The following MACROD2 variants were observed in gnomAD, a reference collection of about 807,000 sequenced individuals.
MACROD2 encodes the protein ADP-ribose glycohydrolase MACROD2.
MACROD2 carries 36 observed loss-of-function variants against 70.4 expected under a neutral mutation model. The ratio of observed to expected loss-of-function variants is 0.51; its 90% CI spans 0.39 to 0.68. The LOEUF is 0.68. Among genes scored for constraint, MACROD2 ranks in the 30% least tolerant of loss-of-function variants. The pLI is 0.00. For missense variants in MACROD2, 496 were observed against 538.4 expected (o/e 0.92, Z 0.78); for synonymous variants, 172 against 178.8 (o/e 0.96, Z 0.30).
intron 2 of MACROD2, among the ~76,000 whole-genome samples, chr20:14,065,814 G>C (rs1002754191): frequency 6.6e-6 from 1 of 152,140 alleles, no homozygotes; most frequent in Non-Finnish European, 1.5e-5. Context: ...TCTTGAAAGA[G>C]GGGTTAATAT....
intron 5 of MACROD2, among the ~76,000 whole-genome samples, chr20:14,728,729 A>G (rs6079543): frequency 0.41 from 61,810 of 152,020 alleles, 13,967 homozygotes; most frequent in Non-Finnish European, 0.51. Flanking sequence ...TAATACCACA[A>G]GGAAGAATAG....
At chr20:15,335,489 T>A (rs1017334378) in intron 6 of MACROD2, among the ~76,000 whole-genome samples, 7 of 147,428 alleles carry the variant, frequency 4.7e-5, no homozygotes, top group African/African-American at 1.8e-4. Flanking sequence ...TTTTTTGCTG[T>A]TCCTTTGAGC....
intron 2 of MACROD2, among the ~76,000 whole-genome samples, chr20:14,031,754 C>T (rs1248527183): frequency 6.6e-6 from 1 of 151,298 alleles, no homozygotes; most frequent in African/African-American, 2.4e-5. Flanking sequence ...CCCTAAACAC[C>T]CAATTCCTAA....
At chr20:15,690,074 G>A (rs1017166348) in intron 8 of MACROD2, among the ~76,000 whole-genome samples, 5 of 152,190 alleles carry the variant, frequency 3.3e-5, no homozygotes, top group African/African-American at 1.2e-4. Context: ...GTAGAGGAGC[G>A]CATGACCAGA....
At chr20:14,181,992 T>C (rs1298848000) in intron 3 of MACROD2, among the ~76,000 whole-genome samples, 1 of 152,348 alleles carries the variant, frequency 6.6e-6, no homozygotes, top group Admixed American at 6.5e-5. Flanking sequence ...TCAGTTCTCT[T>C]GGTTAGATAC....
intron 5 of MACROD2, among the ~76,000 whole-genome samples, chr20:14,808,539 T>C (rs892579096): frequency 1.3e-5 from 2 of 151,990 alleles, no homozygotes; most frequent in East Asian, 1.9e-4. Context: ...ATGGGCAAAA[T>C]AACCAGCTAG....
chr20:15,529,837 A>C (rs968888699), intron 8 of MACROD2, among the ~76,000 whole-genome samples: 3 of 152,180 alleles, frequency 2.0e-5, no homozygotes, highest in African/African-American at 7.2e-5. Flanking sequence ...AAAGAAAGGG[A>C]ATATACAATG....
At chr20:14,822,385 T>C (rs2072856083) in intron 5 of MACROD2, among the ~76,000 whole-genome samples, 1 of 152,138 alleles carries the variant, frequency 6.6e-6, no homozygotes, top group Non-Finnish European at 1.5e-5. Flanking sequence ...ATTTGTATAA[T>C]ATTCTACTTA....
chr20:15,833,397 C>T lies in MACROD2; in HGVS notation c.646-29348C>T, dbSNP rs189575774. On this transcript the variant is annotated intron_variant, in intron 8 of 17. Transcript: ENST00000684519. The stretch of plus-strand genomic sequence containing the variant: ...GCTTTAAACCGCTGCCCTTGTTTAA[C>T]ACATGACAGTTTTTATGTGTGGAAA... Among the ~76,000 whole-genome samples the T allele has an allele frequency of 9.8e-5, 15 of 152,306 alleles. No homozygotes were observed. The East Asian group carries it at 2.7e-3, about 27-fold the overall frequency.
At chr20:14,562,188 A>C (rs538044539) in intron 4 of MACROD2, among the ~76,000 whole-genome samples, 3 of 152,008 alleles carry the variant, frequency 2.0e-5, no homozygotes, top group Middle Eastern at 3.4e-3. Context: ...AATGGCCATA[A>C]TTTTGAAACA....
chr20:14,002,211 T>A, intron 1 of MACROD2, 77 bp from the exon 2 acceptor site: 1 of 898,756 alleles, frequency 1.1e-6, no homozygotes, highest in Admixed American at 2.7e-5. Flanking sequence ...CTTAACTTGG[T>A]TAATACTTAA....
chr20:15,036,204 G>A (rs980611905), intron 5 of MACROD2, among the ~76,000 whole-genome samples: 4 of 151,620 alleles, frequency 2.6e-5, no homozygotes, highest in Non-Finnish European at 4.4e-5. Context: ...CTCTTTTTTC[G>A]TGTTTAAATG....
intron 6 of MACROD2, among the ~76,000 whole-genome samples, chr20:15,343,164 A>T (rs2078128417): frequency 6.6e-6 from 1 of 152,156 alleles, no homozygotes; most frequent in Admixed American, 6.6e-5. Flanking sequence ...CGCTCACATC[A>T]GGGTGAATTA....
intron 5 of MACROD2, among the ~76,000 whole-genome samples, chr20:14,789,255 G>T (rs1033548867): frequency 3.3e-5 from 5 of 151,824 alleles, no homozygotes; most frequent in Non-Finnish European, 7.4e-5. Flanking sequence ...TTTGCCATAT[G>T]TGTATGATAT....
intron 8 of MACROD2, among the ~76,000 whole-genome samples, chr20:15,521,288 A>G (rs1325087410): frequency 6.6e-6 from 1 of 152,158 alleles, no homozygotes. Context: ...GATTTCCATT[A>G]ATAATAAAGA....
intron 3 of MACROD2, among the ~76,000 whole-genome samples, chr20:14,263,816 A>G (rs1009304682): frequency 1.3e-5 from 2 of 150,834 alleles, no homozygotes; most frequent in African/African-American, 2.5e-5. Context: ...ACACACAACA[A>G]AAAGTTAGCT....
intron 5 of MACROD2, among the ~76,000 whole-genome samples, chr20:14,857,550 G>C (rs1470787462): frequency 6.6e-6 from 1 of 152,150 alleles, no homozygotes; most frequent in Non-Finnish European, 1.5e-5. Flanking sequence ...AGGGAGCCCT[G>C]CCTTAGCACA....
chr20:15,040,886 C>T (rs1208528738), intron 5 of MACROD2, among the ~76,000 whole-genome samples: 1 of 152,140 alleles, frequency 6.6e-6, no homozygotes, highest in African/African-American at 2.4e-5. Context: ...TTGATCTGAA[C>T]TATGTGTTTA....
chr20:14,933,643 A>T (rs530156591), intron 5 of MACROD2, among the ~76,000 whole-genome samples: 2 of 152,134 alleles, frequency 1.3e-5, no homozygotes, highest in African/African-American at 4.8e-5. Context: ...AAAATAAAAA[A>T]AAAAAGTAAA....
Sources: gnomAD v4.1 joint callset for allele counts (sites outside exome capture counted in the v4.1 genomes callset) on GRCh38, gnomAD v4.1.1 for gene constraint, MANE v1.5 for transcripts, NCBI Gene and HGNC (gene_info 2026-07-23, HGNC 2026-07-21) for gene names.